SPECC1L: variants seen among roughly 807,000 people sequenced by gnomAD.
SPECC1L encodes cytospin-A.
A neutral mutation model predicts 116.8 loss-of-function variants in SPECC1L; 40 were observed. The ratio of observed to expected loss-of-function variants is 0.34; its 90% confidence interval spans 0.27 to 0.45. The LOEUF (loss-of-function observed/expected upper bound fraction) is 0.45, where lower values mean the gene tolerates loss of function less well. SPECC1L is among the 20% of genes least tolerant of loss of function. SPECC1L has a pLI of 1.00. For missense variants in SPECC1L, 1,110 were observed against 1,373.6 expected (o/e 0.81, Z 3.03); for synonymous variants, 504 against 500.6 (o/e 1.01, Z -0.09).
intron 14 of SPECC1L, among the ~76,000 whole-genome samples, chr22:24,399,434 G>A (rs1172386428): frequency 6.6e-6 from 1 of 152,126 alleles, no homozygotes; most frequent in African/African-American, 2.4e-5. Flanking sequence ...GCTGGGCGTG[G>A]TGGCGGGCGC....
intron 2 of SPECC1L, among the ~76,000 whole-genome samples, chr22:24,281,897 G>A (rs1328726560): frequency 6.6e-6 from 1 of 152,240 alleles, no homozygotes; most frequent in Non-Finnish European, 1.5e-5. Flanking sequence ...GACGGGAATT[G>A]TAATAGAGAA....
intron 14 of SPECC1L, among the ~76,000 whole-genome samples, chr22:24,376,749 A>C (rs576071986): frequency 3.9e-5 from 6 of 152,268 alleles, no homozygotes; most frequent in Admixed American, 3.3e-4. Flanking sequence ...GAACGTGAAT[A>C]CTGGCAGTTT....
At chr22:24,316,819 C>T (rs1218146967) in intron 4 of SPECC1L, among the ~76,000 whole-genome samples, 5 of 144,188 alleles carry the variant, frequency 3.5e-5, no homozygotes, top group African/African-American at 7.7e-5. Flanking sequence ...GGGTGGTGGC[C>T]GGGCAGAGGG....
chr22:24,320,241 A>G lies in SPECC1L; in HGVS notation c.308-1047A>G, dbSNP rs1220628432. ...CAGTGAGCCGAAATCGCTCCACTGC[A>G]CTATAGCCTGGGTGATGGTCAAGAG... On this transcript the variant is annotated intron_variant, in intron 4 of 16. Transcript: ENST00000314328. Among the ~76,000 whole-genome samples, 12 of 152,308 alleles carry G rather than the reference A, an allele frequency of 7.9e-5. No individual in the cohort carries two copies. In the South Asian group the frequency reaches 1.7e-3, roughly 21 times the overall value.
At chr22:24,296,510 A>T (rs1294481315) in intron 2 of SPECC1L, among the ~76,000 whole-genome samples, 1 of 152,262 alleles carries the variant, frequency 6.6e-6, no homozygotes, top group Admixed American at 6.5e-5. Context: ...CCAAACCTTG[A>T]CTTTCCTGGA....
chr22:24,321,285 T>C lies in SPECC1L; in HGVS notation c.308-3T>C, dbSNP rs752582237. On this transcript the variant is annotated splice_polypyrimidine_tract_variant and splice_region_variant and intron_variant, in intron 4 of 16. Transcript: ENST00000314328. ...CCTTACATTTTTTGTATTAAACACA[T>C]AGGCACAGCTTCTTCAACCAAGCGG... 5 of 1,613,558 alleles carry C rather than the reference T, an allele frequency of 3.1e-6. No individual in the cohort carries two copies. Among genetic ancestry groups the C allele is most frequent in the East Asian group, 2.2e-5 (1 of 44,896 alleles).
At chr22:24,308,263 G>A (rs1182460802) in intron 3 of SPECC1L, among the ~76,000 whole-genome samples, 9 of 151,786 alleles carry the variant, frequency 5.9e-5, no homozygotes, top group African/African-American at 2.2e-4. Flanking sequence ...TATAGCAAAA[G>A]AGAAAAAAAA....
chr22:24,369,811 C>T (rs1275411683), intron 14 of SPECC1L, among the ~76,000 whole-genome samples: 1 of 152,124 alleles, frequency 6.6e-6, no homozygotes, highest in Admixed American at 6.5e-5. Context: ...TACTTAAGTC[C>T]AGGTTAAATG....
At chr22:24,308,697 T>G (rs1232356047) in intron 3 of SPECC1L, among the ~76,000 whole-genome samples, 1 of 152,204 alleles carries the variant, frequency 6.6e-6, no homozygotes, top group Non-Finnish European at 1.5e-5. Context: ...GCATTTTTTT[T>G]GGATAGTTCT....
At chr22:24,348,484 T>G (rs962317450) in intron 11 of SPECC1L, among the ~76,000 whole-genome samples, 1 of 152,148 alleles carries the variant, frequency 6.6e-6, no homozygotes, top group Non-Finnish European at 1.5e-5. Flanking sequence ...GAGTACAAGG[T>G]GGTGCTGCTA....
chr22:24,284,971 G>C (rs982077581), intron 2 of SPECC1L, among the ~76,000 whole-genome samples: 4 of 152,190 alleles, frequency 2.6e-5, no homozygotes, highest in Non-Finnish European at 5.9e-5. Flanking sequence ...AAAAGTAAGT[G>C]TAATTTTGTA....
chr22:24,376,242 T>A (rs2041969861), intron 14 of SPECC1L, among the ~76,000 whole-genome samples: 1 of 152,180 alleles, frequency 6.6e-6, no homozygotes, highest in Non-Finnish European at 1.5e-5. Flanking sequence ...CCAGTCTAGG[T>A]TCAGACTTCT....
intron 14 of SPECC1L, among the ~76,000 whole-genome samples, chr22:24,396,559 A>G (rs1444444518): frequency 1.3e-5 from 2 of 152,132 alleles, no homozygotes; most frequent in African/African-American, 2.4e-5. Context: ...CGGCCTCCCA[A>G]AGTGCTGGAA....
intron 1 of SPECC1L, among the ~76,000 whole-genome samples, chr22:24,276,203 C>T (rs1381889604): frequency 1.3e-5 from 2 of 151,936 alleles, no homozygotes; most frequent in Non-Finnish European, 2.9e-5. Context: ...ATAACGGGAC[C>T]CTGTCTGTAC....
intron 14 of SPECC1L, among the ~76,000 whole-genome samples, chr22:24,399,579 CAA>C (rs553159232): frequency 6.8e-6 from 1 of 147,406 alleles, no homozygotes; most frequent in African/African-American, 2.5e-5. Flanking sequence ...TCAAAAAAAA[CAA>C]AAAAAAAAGT....
chr22:24,398,302 T>A (rs1449325709), intron 14 of SPECC1L, among the ~76,000 whole-genome samples: 1 of 151,924 alleles, frequency 6.6e-6, no homozygotes, highest in Non-Finnish European at 1.5e-5. Context: ...TTGTTAAATC[T>A]TCATCATTAT....
intron 14 of SPECC1L, among the ~76,000 whole-genome samples, chr22:24,400,879 C>T (rs1446729644): frequency 2.6e-5 from 4 of 152,156 alleles, no homozygotes. Context: ...TATTTACGTC[C>T]TTTGCTCATT....
Position 24,322,836 on chromosome 22 carries a change from C to G in SPECC1L, c.1856C>G (p.Ala619Gly). The change falls in exon 5 of 17, where the codon GCA (alanine) becomes GGA (glycine). Residue 619 changes from alanine to glycine, a missense_variant. Physicochemically the swap from Ala to Gly is moderately conservative, Grantham distance 60. This residue lies in a region of SPECC1L where 575 missense variants were observed against 682.4 expected (regional missense o/e 0.84). Transcript: ENST00000314328. The part of the protein sequence containing the change: ...LESVRLDKEK[A>G]ETLASSLQED... Reference sequence around the variant, plus strand: ...AGTGTCAGGCTGGACAAAGAAAAAGCAGAGACTTTGGCTAGTAGCTTGCAG... The same window carrying G: ...AGTGTCAGGCTGGACAAAGAAAAAGGAGAGACTTTGGCTAGTAGCTTGCAG... The G allele has an allele frequency of 6.2e-7, 1 of 1,610,690 alleles. No individual in the cohort carries two copies. Among genetic ancestry groups the G allele is most frequent in the Non-Finnish European group, 8.5e-7 (1 of 1,178,602 alleles).
At chr22:24,405,322 GTGCAGCAA>G (rs565255606) in intron 14 of SPECC1L, among the ~76,000 whole-genome samples, 80 of 152,234 alleles carry the variant, frequency 5.3e-4, no homozygotes, top group South Asian at 1.2e-3. Context: ...ATTGCTCCAT[GTGCAGCAA>G]CACATGGAGC....
Sources: allele counts gnomAD v4.1 joint callset (sites outside exome capture counted in the v4.1 genomes callset), GRCh38; gene constraint gnomAD v4.1.1; regional missense constraint gnomAD v4.1.1; transcripts MANE v1.5; gene names NCBI Gene and HGNC (gene_info 2026-07-23, HGNC 2026-07-21).